ZNF473: variants seen among roughly 807,000 people sequenced by gnomAD.
ZNF473 encodes zinc finger protein 473, also known as zinc finger protein 100 homolog.
A neutral mutation model predicts 11.1 loss-of-function variants in ZNF473; 4 were observed. That is an observed-to-expected ratio of 0.36 (90% CI 0.18 to 0.82). The LOEUF (loss-of-function observed/expected upper bound fraction) is 0.82. ZNF473 is among the 40% of genes least tolerant of loss of function. The pLI, the probability that ZNF473 is intolerant of heterozygous loss-of-function variation, is 0.49. For missense variants in ZNF473, 854 were observed against 1,084.0 expected (o/e 0.79, Z 2.98); for synonymous variants, 404 against 390.4 (o/e 1.03, Z -0.41).
At position 50,044,680 on chromosome 19, in the gene ZNF473, G is replaced by T; in HGVS notation, c.237G>T (p.Glu79Asp). 1 of 1,609,184 alleles carries T rather than the reference G, an allele frequency of 6.2e-7. No individual in the cohort carries two copies. The change falls in exon 5 of 5, where the codon GAG becomes GAT. Residue 79 changes from glutamate to aspartate, a missense_variant. This residue lies in a region of ZNF473 where 668 missense variants were observed against 790.2 expected (regional missense o/e 0.85). Transcript: ENST00000270617. ...SPEATSPDVTETKNSPLMEDF... is the reference protein window; with the variant it reads ...SPEATSPDVTDTKNSPLMEDF... ...CACTTGCTCTTTCAGATGTGACTGA[G>T]ACCAAGAACTCTCCTCTGATGGAGG...
At chr19:50,038,917 G>A (rs1378573655) in intron 2 of ZNF473, among the ~76,000 whole-genome samples, 3 of 152,206 alleles carry the variant, frequency 2.0e-5, no homozygotes, top group Admixed American at 1.3e-4. Context: ...GCAGACCTGG[G>A]TTCAGTCCCA....
chr19:50,027,894 G>T (rs1305426989), intron 1 of ZNF473, among the ~76,000 whole-genome samples: 2 of 152,164 alleles, frequency 1.3e-5, no homozygotes, highest in Admixed American at 1.3e-4. Flanking sequence ...TCACCATGTT[G>T]ATCAGGCTGG....
In ZNF473 at chr19:50,039,855, T is replaced by C. The variant is rs1440805988; in HGVS notation, c.136+568T>C. 1.3e-5 allele frequency among the ~76,000 whole-genome samples: 2 copies of C among 152,214 alleles called. No homozygotes were observed. The highest frequency in any genetic ancestry group is 2.4e-5 in the African/African-American group (1 of 41,452). On this transcript the variant is annotated intron_variant, in intron 3 of 4. Coordinates refer to ENST00000270617, the MANE Select transcript of ZNF473 (RefSeq NM_015428.4). This position sits in a 1 kb window ranked among gnomAD's most constrained non-coding sequence, Gnocchi z 4.8. ...CCATTGTATCATTCAGAGCGGGAGC[T>C]GTGTGAGGACAGGGCGTGTCCCCAG... is the stretch of plus-strand genomic sequence containing the variant.
At position 50,045,983 on chromosome 19, in the gene ZNF473, C is replaced by A. The variant is rs373186288; in HGVS notation, c.1540C>A (p.Pro514Thr). Residue 514 changes from proline (P) to threonine (T), a missense_variant, in exon 5 of 5, where the codon CCA becomes ACA. Physicochemically the swap from Pro to Thr is conservative, Grantham distance 38. Coordinates refer to ENST00000270617, the MANE Select transcript of ZNF473 (RefSeq NM_015428.4). ...QHQKMHTVKT[P>T]YECQECGERF... ...CCAGAAAATGCACACTGTCAAAACC[C>A]CATATGAATGTCAGGAGTGCGGAGA... 1.2e-6 allele frequency: 2 copies of A among 1,614,148 alleles called. No homozygotes were observed. Among genetic ancestry groups the A allele is most frequent in the Admixed American group, 1.7e-5 (1 of 60,018 alleles).
Position 50,039,162 on chromosome 19 carries a change from A to C in ZNF473, c.11A>C (p.Glu4Ala), listed in dbSNP as rs763071024. Residue 4 changes from glutamate to alanine, a missense_variant and splice_region_variant, in exon 3 of 5, where the codon GAA becomes GCA. Glu to Ala is a moderately radical substitution (Grantham distance 107). Coordinates refer to ENST00000270617, the MANE Select transcript of ZNF473 (RefSeq NM_015428.4). This position sits in a 1 kb window ranked among gnomAD's most constrained non-coding sequence, Gnocchi z 4.8. MAE[E>A]FVTLKDVGMD... ...GACCAATAGTGTACTGTGTTTCAGGAATTTGTGACCCTCAAGGATGTCGGC... is the reference window on the plus strand; with the variant it reads ...GACCAATAGTGTACTGTGTTTCAGGCATTTGTGACCCTCAAGGATGTCGGC... 4.3e-6 allele frequency: 7 copies of C among 1,613,900 alleles called. No homozygotes were observed. The highest frequency in any genetic ancestry group is 5.9e-6 in the Non-Finnish European group (7 of 1,179,876).
intron 4 of ZNF473, chr19:50,042,104 C>T (rs574404192): frequency 1.7e-5 from 4 of 233,822 alleles, no homozygotes; most frequent in South Asian, 9.3e-5. Flanking sequence ...AACAAGGGTA[C>T]GCCCTCCACT....
chr19:50,031,126 A>G (rs1312618405), intron 2 of ZNF473, 35 bp downstream of exon 2: 1 of 1,560,008 alleles, frequency 6.4e-7, no homozygotes, highest in African/African-American at 1.4e-5. Context: ...AATCGGTCAC[A>G]CCCAAAGGCA....
At chr19:50,027,664 G>C (rs1352296850) in intron 1 of ZNF473, among the ~76,000 whole-genome samples, 1 of 152,042 alleles carries the variant, frequency 6.6e-6, no homozygotes, top group African/African-American at 2.4e-5. Context: ...GTGAGGCTGC[G>C]GGGCCTTGGG....
In ZNF473 at chr19:50,030,950, T is replaced by C; in HGVS notation, c.-133T>C. 7.4e-7 allele frequency: 1 copy of C among 1,348,674 alleles called. No homozygotes were observed. The allele number at this position is 1,348,674 out of a possible 1,614,324, so 83.5% of individuals were successfully genotyped here. A position where few individuals can be genotyped will look rare whatever the true frequency, so the allele number is the denominator to read the frequency against. On this transcript the variant is annotated 5_prime_UTR_variant, in exon 2 of 5. An upstream start codon of the reference 5' UTR is lost. Coordinates refer to ENST00000270617, the MANE Select transcript of ZNF473 (RefSeq NM_015428.4). ...TGGACATTTTGGGGGCTCGTCAGCA[T>C]GGACAGCGAGTCAGCCATGGGTGGA...
intron 4 of ZNF473, 161 bp downstream of exon 4, chr19:50,041,980 T>C (rs1334929901): frequency 3.6e-6 from 2 of 559,456 alleles, no homozygotes; most frequent in Non-Finnish European, 6.2e-6. Flanking sequence ...TCCTGGGAGC[T>C]GGGGGGATCA....
At chr19:50,037,371 G>T (rs1425962061) in intron 2 of ZNF473, among the ~76,000 whole-genome samples, 1 of 152,100 alleles carries the variant, frequency 6.6e-6, no homozygotes, top group Non-Finnish European at 1.5e-5. Flanking sequence ...AAAGAGAGGT[G>T]GTTTTCATTC....
chr19:50,037,859 T>C (rs2122827365), intron 2 of ZNF473, among the ~76,000 whole-genome samples: 1 of 151,988 alleles, frequency 6.6e-6, no homozygotes, highest in South Asian at 2.1e-4. Context: ...ATATAATTTA[T>C]GGATTACCAG....
chr19:50,041,731 C>T lies in ZNF473; in HGVS notation c.138C>T (p.Asp46=). Residue 46 remains aspartate (D), a splice_region_variant and synonymous_variant, in exon 4 of 5, where the codon GAC becomes GAT. Transcript: ENST00000270617. ...GACAATGCTTTTCTCTCCCTGCAGA[C>T]CCCCCAAGACCCAACCTGACCTCCC... The part of the protein sequence containing the change: ...LDNCQDLFLL[D]PPRPNLTSHP... The T allele has an allele frequency of 6.2e-7, 1 of 1,602,060 alleles. No individual in the cohort carries two copies.
At position 50,045,667 on chromosome 19, in the gene ZNF473, T is replaced by C. The variant is rs1439013177; in HGVS notation, c.1224T>C (p.Arg408=). The C allele has an allele frequency of 6.2e-7, 1 of 1,613,890 alleles. No individual in the cohort carries two copies. Among genetic ancestry groups the C allele is most frequent in the Non-Finnish European group, 8.5e-7 (1 of 1,179,980 alleles). ...AGEEPYKCNE[R]GKSFRHNSTL... is the part of the protein sequence containing the mutation. Reference sequence around the variant, plus strand: ...AGGAGCCTTATAAGTGTAACGAACGTGGGAAATCCTTCAGGCATAACTCTA... The same window carrying C: ...AGGAGCCTTATAAGTGTAACGAACGCGGGAAATCCTTCAGGCATAACTCTA... The change falls in exon 5 of 5, where the codon CGT becomes CGC. Residue 408 remains arginine (R), a synonymous_variant. Transcript: ENST00000270617.
intron 3 of ZNF473, chr19:50,040,979 C>T (rs1178246979): frequency 5.9e-5 from 9 of 152,210 alleles, no homozygotes; most frequent in Non-Finnish European, 7.3e-5. Context: ...GTAGTGTATC[C>T]GTTTCCTATT....
At chr19:50,031,483 A>T (rs1460475040) in intron 2 of ZNF473, among the ~76,000 whole-genome samples, 1 of 152,142 alleles carries the variant, frequency 6.6e-6, no homozygotes, top group Admixed American at 6.6e-5. Context: ...TCCTTTGCTC[A>T]GGTTGGGCCC....
intron 2 of ZNF473, among the ~76,000 whole-genome samples, chr19:50,031,986 G>A (rs573872314): frequency 3.2e-4 from 48 of 151,796 alleles, no homozygotes; most frequent in African/African-American, 9.9e-4. Context: ...TACCTCCCTC[G>A]TGTCTCTCCG....
rs747803389 is a variant in ZNF473, at chr19:50,046,692, G to A, written c.2249G>A (p.Arg750Lys). 8.7e-6 allele frequency: 14 copies of A among 1,614,222 alleles called. No homozygotes were observed. The Admixed American group carries it at 1.5e-4, about 17-fold the overall frequency. ...GLSAELVRHQ[R>K]IHTGEKPYVC... ...AGTGCTGAGCTTGTCCGCCACCAGA[G>A]AATTCACACTGGAGAAAAGCCTTAT... Residue 750 changes from arginine to lysine, a missense_variant, in exon 5 of 5, where the codon AGA becomes AAA. By Grantham distance (26) the Arg-to-Lys change is conservative. Around this residue, in one of 2 missense-constraint regions of ZNF473, gnomAD observed 186 missense variants for 293.8 expected, o/e 0.63. Coordinates refer to ENST00000270617, the MANE Select transcript of ZNF473 (RefSeq NM_015428.4). This position sits in a 1 kb window ranked among gnomAD's most constrained non-coding sequence, Gnocchi z 5.9.
intron 2 of ZNF473, among the ~76,000 whole-genome samples, chr19:50,038,866 A>G (rs1215472057): frequency 2.0e-5 from 3 of 152,230 alleles, no homozygotes; most frequent in Non-Finnish European, 2.9e-5. Context: ...GTCTTGAATG[A>G]ACACTTAAAG....
Sources: allele counts gnomAD v4.1 joint callset (sites outside exome capture counted in the v4.1 genomes callset), GRCh38; gene constraint gnomAD v4.1.1; regional missense constraint gnomAD v4.1.1; non-coding constraint Gnocchi (gnomAD v3.1); transcripts MANE v1.5; gene names NCBI Gene and HGNC (gene_info 2026-07-23, HGNC 2026-07-21).